Variants in GABRB1 observed in about 807,000 individuals in gnomAD.
GABRB1 encodes gamma-aminobutyric acid receptor subunit beta-1.
In GABRB1, 17 loss-of-function variants were observed where a neutral mutation model predicts 51.6. The ratio of observed to expected loss-of-function variants is 0.33; its 90% CI spans 0.23 to 0.49. The LOEUF is 0.49. Ranked by LOEUF, GABRB1 falls within the 20% of genes least tolerant of loss-of-function variation. The pLI, the probability that GABRB1 is intolerant of heterozygous loss-of-function variation, is 0.99. For synonymous variants in GABRB1, 247 were observed against 218.9 expected (o/e 1.13, Z -1.14); for missense variants, 410 against 600.6 (o/e 0.68, Z 3.32).
chr4:47,120,738 C>T (rs1416425647), intron 3 of GABRB1, among the ~76,000 whole-genome samples: 1 of 152,118 alleles, frequency 6.6e-6, no homozygotes, highest in East Asian at 1.9e-4. Flanking sequence ...CAGCAGGTTC[C>T]CTTCTGACCA....
At chr4:47,244,846 T>A (rs1721679790) in intron 4 of GABRB1, among the ~76,000 whole-genome samples, 1 of 152,086 alleles carries the variant, frequency 6.6e-6, no homozygotes, top group Non-Finnish European at 1.5e-5. Context: ...TTTAAAGCAG[T>A]GTGTACAGGG....
intron 6 of GABRB1, 34 bp from the exon 7 acceptor site, chr4:47,403,525 G>C (rs761250199): frequency 3.7e-6 from 6 of 1,613,426 alleles, no homozygotes; most frequent in Non-Finnish European, 5.1e-6. Context: ...ACCAAATAAT[G>C]GTCTGATTAC....
intron 4 of GABRB1, among the ~76,000 whole-genome samples, chr4:47,164,690 G>T (rs923112207): frequency 7.9e-5 from 12 of 152,068 alleles, no homozygotes; most frequent in Non-Finnish European, 1.5e-4. Flanking sequence ...CTCAATATGA[G>T]ATACTATAAC....
chr4:47,391,275 G>C lies in GABRB1; in HGVS notation c.545-12043G>C, dbSNP rs957104932. Among the ~76,000 whole-genome samples the C allele has an allele frequency of 2.6e-5, 4 of 152,156 alleles. No homozygotes were observed. In the East Asian group the frequency reaches 7.7e-4, roughly 29 times the overall value. On this transcript the variant is annotated intron_variant, in intron 5 of 8. Coordinates refer to ENST00000295454, the MANE Select transcript of GABRB1 (RefSeq NM_000812.4). Reference sequence around the variant, plus strand: ...TGAACACTAAGCCTAATGGGTTTTAGTTAAACAAAGTGCGTGTGAGCTTGG... The same window carrying C: ...TGAACACTAAGCCTAATGGGTTTTACTTAAACAAAGTGCGTGTGAGCTTGG...
rs768805804 is a variant in GABRB1 at position 47,406,752 on chromosome 4, T to C, written c.906T>C (p.Tyr302=). The stretch of plus-strand genomic sequence containing the variant: ...GGGAGACCCTGCCAAAGATCCCTTA[T>C]GTCAAAGCGATTGATATTTATCTGA... ...HLRETLPKIP[Y]VKAIDIYLMG... Residue 302 remains tyrosine (Y), a synonymous_variant, in exon 8 of 9, where the codon TAT becomes TAC. Coordinates refer to ENST00000295454, the MANE Select transcript of GABRB1 (RefSeq NM_000812.4). The C allele has an allele frequency of 6.2e-6, 10 of 1,614,194 alleles. No homozygotes were observed. The highest frequency in any genetic ancestry group is 2.2e-5 in the South Asian group (2 of 91,090).
intron 7 of GABRB1, among the ~76,000 whole-genome samples, chr4:47,404,526 C>CACACACAT (rs1560371461): frequency 7.9e-6 from 1 of 125,944 alleles, no homozygotes; most frequent in East Asian, 2.0e-4. Flanking sequence ...CACACACACA[C>CACACACAT]ACATCATTTC....
chr4:47,317,852 A>G (rs1724946691), intron 4 of GABRB1, among the ~76,000 whole-genome samples: 1 of 151,860 alleles, frequency 6.6e-6, no homozygotes, highest in Admixed American at 6.6e-5. Flanking sequence ...TCTGATATAT[A>G]TATATATTCA....
In GABRB1 at chr4:47,031,750, ATCTCGCTCTC is replaced by A. The variant is rs771228324; in HGVS notation, c.80+24_80+33del. 72 of 1,524,420 alleles carry A rather than the reference ATCTCGCTCTC, an allele frequency of 4.7e-5. No individual in the cohort carries two copies. Among genetic ancestry groups the A allele is most frequent in the Middle Eastern group, 1.7e-4 (1 of 5,926 alleles). The allele number at this position is 1,524,420 out of a possible 1,614,324, so 94.4% of individuals were successfully genotyped here. A position where few individuals can be genotyped will look rare whatever the true frequency, so the allele number is the denominator to read the frequency against. ...CACACAGGTGAGCTGCTGTTGTTGA[ATCTCGCTCTC>A]TCTCTCTCTCTCTCTTTTTTTCTTG... is the stretch of plus-strand genomic sequence containing the variant. On this transcript the variant is annotated intron_variant, in intron 1 of 8. Coordinates refer to ENST00000295454, the MANE Select transcript of GABRB1 (RefSeq NM_000812.4).
intron 5 of GABRB1, among the ~76,000 whole-genome samples, chr4:47,331,778 G>T (rs542996004): frequency 6.6e-6 from 1 of 152,180 alleles, no homozygotes; most frequent in East Asian, 1.9e-4. Flanking sequence ...AATGGGCCAG[G>T]CACTTTATAA....
chr4:47,026,156 A>C (rs1338067384), intron 1 of GABRB1, among the ~76,000 whole-genome samples: 1 of 151,968 alleles, frequency 6.6e-6, no homozygotes, highest in Non-Finnish European at 1.5e-5. Context: ...GTGTAAAAAT[A>C]AATAAATAAA....
chr4:47,225,833 A>G (rs1720927891), intron 4 of GABRB1, among the ~76,000 whole-genome samples: 1 of 152,162 alleles, frequency 6.6e-6, no homozygotes, highest in African/African-American at 2.4e-5. Flanking sequence ...CTTCCACAGA[A>G]ATTTCTTCCA....
chr4:47,335,224 G>T (rs1725652483), intron 5 of GABRB1, among the ~76,000 whole-genome samples: 1 of 151,966 alleles, frequency 6.6e-6, no homozygotes, highest in South Asian at 2.1e-4. Context: ...AGTAACGATA[G>T]GTTCTCACGG....
intron 4 of GABRB1, among the ~76,000 whole-genome samples, chr4:47,242,538 T>TA (rs1314054294): frequency 6.6e-6 from 1 of 152,202 alleles, no homozygotes. Flanking sequence ...CCGCATCCTC[T>TA]CCAGCACCTG....
At chr4:47,296,425 A>C (rs1057482349) in intron 4 of GABRB1, among the ~76,000 whole-genome samples, 10 of 152,190 alleles carry the variant, frequency 6.6e-5, no homozygotes, top group Non-Finnish European at 1.2e-4. Flanking sequence ...TCTACCAAGC[A>C]AATGGAAAAC....
intron 1 of GABRB1, among the ~76,000 whole-genome samples, chr4:47,012,350 C>T (rs1203270946): frequency 1.3e-5 from 2 of 152,094 alleles, no homozygotes; most frequent in South Asian, 4.1e-4. Context: ...CCTCCTCCCA[C>T]CCTCCACCCT....
intron 3 of GABRB1, among the ~76,000 whole-genome samples, chr4:47,040,974 T>G (rs138820647): frequency 6.6e-6 from 1 of 152,112 alleles, no homozygotes; most frequent in Non-Finnish European, 1.5e-5. Flanking sequence ...GGGAAATAGA[T>G]GTGTGGGAAA....
chr4:47,130,333 G>C (rs1458884309), intron 3 of GABRB1, among the ~76,000 whole-genome samples: 2 of 11,158 alleles, frequency 1.8e-4, no homozygotes, highest in Non-Finnish European at 4.1e-4. Flanking sequence ...TACTGTGTGT[G>C]TGTGTGTGTG....
chr4:47,366,236 C>T (rs143527184), intron 5 of GABRB1, among the ~76,000 whole-genome samples: 1 of 152,302 alleles, frequency 6.6e-6, no homozygotes, highest in Non-Finnish European at 1.5e-5. Context: ...TTTCCCAAGA[C>T]ACAGATCTCT....
intron 4 of GABRB1, among the ~76,000 whole-genome samples, chr4:47,272,338 A>T (rs1722905241): frequency 6.6e-6 from 1 of 152,226 alleles, no homozygotes; most frequent in African/African-American, 2.4e-5. Flanking sequence ...TTCTTTAAAA[A>T]AATGTAGTCT....
Sources: gnomAD v4.1 joint callset for allele counts (sites outside exome capture counted in the v4.1 genomes callset) on GRCh38, gnomAD v4.1.1 for gene constraint, MANE v1.5 for transcripts, NCBI Gene and HGNC (gene_info 2026-07-23, HGNC 2026-07-21) for gene names.